NRG3: variants seen among roughly 807,000 people sequenced by gnomAD.
The protein encoded by NRG3 is pro-neuregulin-3, membrane-bound isoform.
A neutral mutation model predicts 66.9 loss-of-function variants in NRG3; 31 were observed. That is an observed-to-expected ratio of 0.46 (90% confidence interval 0.35 to 0.63). The LOEUF (loss-of-function observed/expected upper bound fraction) is 0.63. NRG3 is among the 20% of genes least tolerant of loss of function. NRG3 has a pLI of 0.00. For missense variants in NRG3, 910 were observed against 878.9 expected (o/e 1.04, Z -0.45); for synonymous variants, 393 against 359.4 (o/e 1.09, Z -1.06).
chr10:82,875,402 G>T (rs1475917571), intron 4 of NRG3, among the ~76,000 whole-genome samples: 2 of 152,082 alleles, frequency 1.3e-5, no homozygotes, highest in Non-Finnish European at 2.9e-5. Flanking sequence ...CTATCAAACA[G>T]GCTGGAGTGC....
At chr10:82,514,821 C>T (rs904269606) in intron 2 of NRG3, among the ~76,000 whole-genome samples, 1 of 152,090 alleles carries the variant, frequency 6.6e-6, no homozygotes, top group Admixed American at 6.6e-5. Flanking sequence ...TGGCCATTTT[C>T]ACAAGGATAT....
chr10:82,093,889 T>C (rs1297086736), intron 1 of NRG3, among the ~76,000 whole-genome samples: 2 of 152,232 alleles, frequency 1.3e-5, no homozygotes, highest in African/African-American at 4.8e-5. Context: ...TCTTGTCAAC[T>C]GTCCTTGGTT....
chr10:82,509,757 C>T (rs951137014), intron 2 of NRG3, among the ~76,000 whole-genome samples: 11 of 152,206 alleles, frequency 7.2e-5, no homozygotes, highest in Middle Eastern at 3.4e-3. Context: ...TGCATAATTA[C>T]GACTGGTATT....
At position 82,447,317 on chromosome 10, in the gene NRG3, G is replaced by A. The variant is rs117246825; in HGVS notation, c.953+88449G>A. ...GCAGTCGGGGAGGCCAGGCACAGTG[G>A]CCCATGCCTGTAGTTCCAGCACTTT... is the stretch of plus-strand genomic sequence containing the variant. On this transcript the variant is annotated intron_variant, in intron 2 of 8. Transcript: ENST00000372141. Among the ~76,000 whole-genome samples the A allele has an allele frequency of 6.8e-3, 1,033 of 152,218 alleles. 6 individuals carry two copies. Among genetic ancestry groups the A allele is most frequent in the Non-Finnish European group, 0.012 (849 of 67,996 alleles).
chr10:82,449,791 G>GT (rs1310788637), intron 2 of NRG3, among the ~76,000 whole-genome samples: 2 of 152,012 alleles, frequency 1.3e-5, no homozygotes, highest in Admixed American at 6.5e-5. Context: ...AATCATATAC[G>GT]TTTTTTTGAG....
At chr10:82,196,756 A>G (rs1268070608) in intron 1 of NRG3, among the ~76,000 whole-genome samples, 3 of 152,170 alleles carry the variant, frequency 2.0e-5, no homozygotes, top group African/African-American at 7.2e-5. Flanking sequence ...AGTGAGTGAT[A>G]AGGAAGAGGG....
intron 2 of NRG3, among the ~76,000 whole-genome samples, chr10:82,580,744 C>T (rs568513639): frequency 2.0e-5 from 3 of 151,882 alleles, no homozygotes; most frequent in African/African-American, 7.2e-5. Context: ...TCCTTTTTAG[C>T]TCTGAGTATT....
At chr10:82,080,582 A>G (rs994349870) in intron 1 of NRG3, among the ~76,000 whole-genome samples, 2 of 152,036 alleles carry the variant, frequency 1.3e-5, no homozygotes, top group African/African-American at 2.4e-5. Flanking sequence ...TCTCTTGCCA[A>G]ATGTTTTGCT....
At chr10:82,837,057 A>G (rs534880138) in intron 3 of NRG3, among the ~76,000 whole-genome samples, 52 of 152,138 alleles carry the variant, frequency 3.4e-4, no homozygotes, top group Non-Finnish European at 7.1e-4. Context: ...CCATGGCCCT[A>G]TGAAGGACAT....
chr10:82,802,356 A>T (rs1394807722), intron 3 of NRG3, among the ~76,000 whole-genome samples: 1 of 152,168 alleles, frequency 6.6e-6, no homozygotes, highest in East Asian at 1.9e-4. Flanking sequence ...AATATTTCAA[A>T]CTTTATAAAT....
intron 1 of NRG3, among the ~76,000 whole-genome samples, chr10:82,093,468 C>G (rs1025768641): frequency 6.6e-6 from 1 of 152,146 alleles, no homozygotes; most frequent in Non-Finnish European, 1.5e-5. Context: ...TGAGCTTATT[C>G]CAGTTTAATT....
chr10:82,749,017 A>G (rs747548656), intron 3 of NRG3, among the ~76,000 whole-genome samples: 4 of 152,084 alleles, frequency 2.6e-5, no homozygotes, highest in Non-Finnish European at 5.9e-5. Flanking sequence ...TTTTGATGCA[A>G]CTTTTCATAC....
intron 2 of NRG3, among the ~76,000 whole-genome samples, chr10:82,600,929 C>T (rs984445558): frequency 7.9e-5 from 12 of 152,028 alleles, no homozygotes; most frequent in East Asian, 1.9e-4. Context: ...GTTTTTCAGC[C>T]GTTACCCCAC....
rs145528218 is a variant in NRG3 at position 81,987,878 on chromosome 10, C to T, written c.823+111715C>T. ...TCACTGAAATGTTTTTGATATATTT[C>T]GTCCAGAGATTGGTGCTATGCATAT... On this transcript the variant is annotated intron_variant, in intron 1 of 8. Transcript: ENST00000372141. 4.3e-3 allele frequency among the ~76,000 whole-genome samples: 655 copies of T among 152,216 alleles called. 1 individual carries two copies. The highest frequency in any genetic ancestry group is 0.01 in the Middle Eastern group (3 of 294).
intron 1 of NRG3, among the ~76,000 whole-genome samples, chr10:82,057,887 G>A (rs189364832): frequency 6.6e-6 from 1 of 152,006 alleles, no homozygotes; most frequent in African/African-American, 2.4e-5. Flanking sequence ...TCAGACTCCG[G>A]GCCACCAGTG....
chr10:82,484,314 G>C (rs1842511810), intron 2 of NRG3, among the ~76,000 whole-genome samples: 1 of 152,154 alleles, frequency 6.6e-6, no homozygotes, highest in Non-Finnish European at 1.5e-5. Flanking sequence ...TTTTGGCTTT[G>C]TGTCCTTGGC....
intron 4 of NRG3, among the ~76,000 whole-genome samples, chr10:82,899,658 GC>G (rs1844018770): frequency 6.6e-6 from 1 of 152,090 alleles, no homozygotes; most frequent in South Asian, 2.1e-4. Context: ...AACTAGCATG[GC>G]CCTTTTATTC....
At chr10:82,579,946 A>G (rs1476311463) in intron 2 of NRG3, among the ~76,000 whole-genome samples, 1 of 151,972 alleles carries the variant, frequency 6.6e-6, no homozygotes, top group African/African-American at 2.4e-5. Flanking sequence ...TGGTATCTGC[A>G]GTATCTGTGA....
In NRG3 at chr10:81,875,759, C is replaced by T. The variant is rs764443459; in HGVS notation, c.419C>T (p.Pro140Leu). 1.2e-6 allele frequency: 2 copies of T among 1,612,336 alleles called. No individual in the cohort carries two copies. The highest frequency in any genetic ancestry group is 1.3e-5 in the African/African-American group (1 of 74,918). The part of the protein sequence containing the change: ...TTTSTTSPAT[P>L]SAGGAASSRT... ...ACTTCCACCACGTCCCCCGCCACCC[C>T]CTCCGCCGGGGGTGCCGCCTCCTCC... The change falls in exon 1 of 9, where the codon CCC becomes CTC. Residue 140 changes from proline (P) to leucine (L), a missense_variant. Pro to Leu is a moderately conservative substitution (Grantham distance 98). Coordinates refer to ENST00000372141, the MANE Select transcript of NRG3 (RefSeq NM_001010848.4). The surrounding 1 kb of genome is among the most constrained non-coding windows in gnomAD (Gnocchi z 5.3).
Sources: allele counts gnomAD v4.1 joint callset (sites outside exome capture counted in the v4.1 genomes callset), GRCh38; gene constraint gnomAD v4.1.1; non-coding constraint Gnocchi (gnomAD v3.1); transcripts MANE v1.5; gene names NCBI Gene and HGNC (gene_info 2026-07-23, HGNC 2026-07-21).